The following TRIP10 variants were observed in gnomAD, a reference collection of about 807,000 sequenced individuals.
TRIP10 encodes the protein cdc42-interacting protein 4.
A neutral mutation model predicts 80.9 loss-of-function variants in TRIP10; 54 were observed. The ratio of observed to expected loss-of-function variants is 0.67; its 90% CI spans 0.54 to 0.84. The LOEUF is 0.84. Among genes scored for constraint, TRIP10 ranks in the 40% least tolerant of loss-of-function variants. The probability of loss-of-function intolerance (pLI) is 0.00; values close to 1 mark genes in which losing one functional copy is unlikely to be tolerated. For missense variants in TRIP10, 773 were observed against 815.3 expected, an observed-to-expected ratio of 0.95 and a Z score of 0.63; for synonymous variants, 321 against 307.2, an observed-to-expected ratio of 1.04 and a Z score of -0.47.
intron 11 of TRIP10, among the ~76,000 whole-genome samples, chr19:6,747,307 A>G (rs1308380215): frequency 6.6e-6 from 1 of 152,128 alleles, no homozygotes; most frequent in Non-Finnish European, 1.5e-5. Flanking sequence ...CCTGGGTGTC[A>G]GAGTGAGACC....
rs1477319033 is a variant in TRIP10 at position 6,749,946 on chromosome 19, G to C, written c.1275G>C (p.Lys425Asn). ...TCCCTTGTCATAGGGAAGCCCTAAA[G>C]AAAATGAAGGATGTCTATGAGAAGA... ...QKEVDQREAL[K>N]KMKDVYEKTP... Residue 425 changes from lysine (K) to asparagine (N), a missense_variant, in exon 12 of 15, where the codon AAG becomes AAC. Coordinates refer to ENST00000313244, the MANE Select transcript of TRIP10 (RefSeq NM_001288962.2). 6 of 1,613,886 alleles carry C rather than the reference G, an allele frequency of 3.7e-6. No homozygotes were observed. Among genetic ancestry groups the C allele is most frequent in the Non-Finnish European group, 5.1e-6 (6 of 1,179,968 alleles).
At position 6,747,280 on chromosome 19, in the gene TRIP10, C is replaced by T. The variant is rs117235543; in HGVS notation, c.1262+719C>T. 3.6e-3 allele frequency among the ~76,000 whole-genome samples: 555 copies of T among 152,176 alleles called. 2 individuals are homozygous for T. Among genetic ancestry groups the T allele is most frequent in the South Asian group, 0.018 (87 of 4,818 alleles). On this transcript the variant is annotated intron_variant, in intron 11 of 14. Coordinates refer to ENST00000313244, the MANE Select transcript of TRIP10 (RefSeq NM_001288962.2). ...TGGAGACTACAGTGAGCTGTGACTG[C>T]ACCACTTGCACTTCAGCCTGGGTGT...
Position 6,743,497 on chromosome 19 carries a change from A to G in TRIP10, c.412A>G (p.Lys138Glu). The G allele has an allele frequency of 6.2e-7, 1 of 1,613,762 alleles. No individual in the cohort carries two copies. Residue 138 changes from lysine to glutamate, a missense_variant, in exon 6 of 15, where the codon AAG becomes GAG. Physicochemically the swap from Lys to Glu is moderately conservative, Grantham distance 56. Coordinates refer to ENST00000313244, the MANE Select transcript of TRIP10 (RefSeq NM_001288962.2). ...ENGFKQLENS[K>E]RKFERDCREA... ...TCCGGTTCTGTCCCCTACACAGAGT[A>G]AGCGTAAATTTGAGCGGGACTGCCG...
chr19:6,742,203 A>C (rs1968935100), intron 3 of TRIP10, among the ~76,000 whole-genome samples: 2 of 151,970 alleles, frequency 1.3e-5, no homozygotes, highest in South Asian at 4.2e-4. Context: ...CAGCCTGGTC[A>C]ACATGGTGAA....
chr19:6,750,175 A>G, intron 12 of TRIP10, 109 bp downstream of exon 12: 3 of 1,570,958 alleles, frequency 1.9e-6, no homozygotes, highest in Non-Finnish European at 2.6e-6. Flanking sequence ...GGGGGTCTCC[A>G]GCTGTTTTCC....
rs1028418634 is a variant in TRIP10, at chr19:6,746,382, C to T, written c.1153-70C>T. The T allele has an allele frequency of 4.4e-6, 7 of 1,584,840 alleles. No individual in the cohort carries two copies. The African/African-American group carries it at 9.4e-5, about 21-fold the overall frequency. On this transcript the variant is annotated intron_variant, in intron 10 of 14. Transcript: ENST00000313244. The surrounding 1 kb of genome is among the most constrained non-coding windows in gnomAD (Gnocchi z 6.2). ...ATGGCTGGGGAAGGGAGTGAAATATCTCAGACGGGTGCAGAGTCTGGCAGG... is the reference window on the plus strand; with the variant it reads ...ATGGCTGGGGAAGGGAGTGAAATATTTCAGACGGGTGCAGAGTCTGGCAGG...
chr19:6,743,690 C>T lies in TRIP10; in HGVS notation c.514-18C>T, dbSNP rs2145538114. The T allele has an allele frequency of 6.2e-7, 1 of 1,613,484 alleles. No homozygotes were observed. Among genetic ancestry groups the T allele is most frequent in the East Asian group, 2.2e-5 (1 of 44,860 alleles). The stretch of plus-strand genomic sequence containing the variant: ...GTGATCGGAACCTGGCAGTACCTTC[C>T]ACCTCTGCATTCTTCAGGCCAAGCA... On this transcript the variant is annotated intron_variant, in intron 6 of 14. Transcript: ENST00000313244.
rs1220389923 is a variant in TRIP10 at position 6,743,527 on chromosome 19, G to T, written c.442G>T (p.Ala148Ser). 1.9e-6 allele frequency: 3 copies of T among 1,612,658 alleles called. No homozygotes were observed. The highest frequency in any genetic ancestry group is 1.3e-5 in the African/African-American group (1 of 74,628). ...KRKFERDCREAEKAAQTAERL... is the reference protein window; with the variant it reads ...KRKFERDCRESEKAAQTAERL... ...TAAATTTGAGCGGGACTGCCGGGAG[G>T]CAGAGAAGGCAGCCCAGACTGCTGA... Residue 148 changes from alanine to serine, a missense_variant, in exon 6 of 15, where the codon GCA (alanine) becomes TCA (serine). Transcript: ENST00000313244.
At position 6,743,003 on chromosome 19, in the gene TRIP10, G is replaced by A. The variant is rs1201045719; in HGVS notation, c.234G>A (p.Gln78=). 6.2e-7 allele frequency: 1 copy of A among 1,614,076 alleles called. No individual in the cohort carries two copies. The highest frequency in any genetic ancestry group is 1.3e-5 in the African/African-American group (1 of 74,920). Residue 78 remains glutamine, a synonymous_variant, in exon 4 of 15, where the codon CAG becomes CAA. Coordinates refer to ENST00000313244, the MANE Select transcript of TRIP10 (RefSeq NM_001288962.2). ...SQQQSFVQIL[Q]EVNDFAGQRE... is the part of the protein sequence containing the mutation. The stretch of plus-strand genomic sequence containing the variant: ...AACAGTCCTTCGTACAGATTCTCCA[G>A]GAGGTGAATGACTTTGCAGGCCAGC...
In TRIP10 at chr19:6,741,269, A is replaced by G; in HGVS notation, c.185A>G (p.Asp62Gly). Reference protein sequence around the residue: ...KYLPKRPAKDDPESKFSQQQS... With the variant: ...KYLPKRPAKDGPESKFSQQQS... Reference sequence around the variant, plus strand: ...CTGCCCAAGAGACCTGCCAAGGATGATCCTGAGTCCAAGTAAGGTTGGAGA... The same window carrying G: ...CTGCCCAAGAGACCTGCCAAGGATGGTCCTGAGTCCAAGTAAGGTTGGAGA... The change falls in exon 3 of 15, where the codon GAT becomes GGT. Residue 62 changes from aspartate to glycine, a missense_variant. Transcript: ENST00000313244. The G allele has an allele frequency of 6.2e-7, 1 of 1,610,354 alleles. No individual in the cohort carries two copies. The highest frequency in any genetic ancestry group is 8.5e-7 in the Non-Finnish European group (1 of 1,178,194).
Position 6,745,624 on chromosome 19 carries a change from G to A in TRIP10, c.985-405G>A. The A allele has an allele frequency of 2.0e-6, 2 of 985,146 alleles. No homozygotes were observed. The highest frequency in any genetic ancestry group is 2.4e-6 in the Non-Finnish European group (2 of 829,890). The allele number at this position is 985,146 out of a possible 1,614,324, so 61.0% of individuals were successfully genotyped here. On this transcript the variant is annotated intron_variant, in intron 9 of 14. Transcript: ENST00000313244. The surrounding 1 kb of genome is among the most constrained non-coding windows in gnomAD (Gnocchi z 7.2). ...CTGTCTGAGACCTTGATTCCTGCAT[G>A]CGTCTTCTAGACTGTCAGCCCAGAA...
Position 6,745,262 on chromosome 19 carries a change from A to G in TRIP10, c.984+268A>G. ...ATGCTGGGAGAAAACCTGCTGGTGG[A>G]ATTCAGGGCTGGCCTGAGGGCTGGT... On this transcript the variant is annotated intron_variant, in intron 9 of 14. Coordinates refer to ENST00000313244, the MANE Select transcript of TRIP10 (RefSeq NM_001288962.2). This position sits in a 1 kb window ranked among gnomAD's most constrained non-coding sequence, Gnocchi z 7.2. The G allele has an allele frequency of 3.9e-6, 2 of 515,414 alleles. No homozygotes were observed. Among genetic ancestry groups the G allele is most frequent in the Non-Finnish European group, 6.8e-6 (2 of 294,626 alleles). The allele number at this position is 515,414 out of a possible 1,614,324, so 31.9% of individuals were successfully genotyped here.
intron 12 of TRIP10, 77 bp downstream of exon 12, chr19:6,750,143 G>GGGC: frequency 1.7e-5 from 14 of 842,228 alleles, no homozygotes; most frequent in Non-Finnish European, 2.6e-5. Context: ...GGGGGTCGGG[G>GGGC]ACAGGGGAGG....
rs371348959 is a variant in TRIP10, at chr19:6,743,216, C to T, written c.368C>T (p.Ala123Val). The change falls in exon 5 of 15, where the codon GCC (alanine) becomes GTC (valine). Residue 123 changes from alanine (A) to valine (V), a missense_variant. By Grantham distance (64) the Ala-to-Val change is moderately conservative. Transcript: ENST00000313244. ...TAGCACTTCCAAGAAGGGCGGCGGG[C>T]CCAGCAGCAGCTGGAAAATGGCTTT... ...RKMHFQEGRRAQQQLENGFKQ... is the reference protein window; with the variant it reads ...RKMHFQEGRRVQQQLENGFKQ... 3 of 1,613,980 alleles carry T rather than the reference C, an allele frequency of 1.9e-6. No homozygotes were observed. The highest frequency in any genetic ancestry group is 3.3e-5 in the Admixed American group (2 of 60,010).
Position 6,739,770 on chromosome 19 carries a change from G to A in TRIP10, c.9G>A (p.Trp3Ter). 6.9e-7 allele frequency: 1 copy of A among 1,459,372 alleles called. No individual in the cohort carries two copies. The highest frequency in any genetic ancestry group is 2.2e-4 in the Middle Eastern group (1 of 4,564). The allele number at this position is 1,459,372 out of a possible 1,614,324, so 90.4% of individuals were successfully genotyped here. MD[W>*]GTELWDQFEV... ...GCGGCGGCGGGAGCAGCATGGATTG[G>A]GGCACTGAGCTGTGGGTAAGTCCAA... is the stretch of plus-strand genomic sequence containing the variant. Residue 3 changes from tryptophan (W) to a stop codon, truncating the protein, a stop_gained, in exon 1 of 15, where the codon TGG becomes TGA. Coordinates refer to ENST00000313244, the MANE Select transcript of TRIP10 (RefSeq NM_001288962.2). LOFTEE classifies it high-confidence loss of function.
At position 6,750,386 on chromosome 19, in the gene TRIP10, C is replaced by T. The variant is rs556672884; in HGVS notation, c.1490C>T (p.Pro497Leu). Residue 497 changes from proline (P) to leucine (L), a missense_variant, in exon 13 of 15, where the codon CCG becomes CTG. By Grantham distance (98) the Pro-to-Leu change is moderately conservative. Coordinates refer to ENST00000313244, the MANE Select transcript of TRIP10 (RefSeq NM_001288962.2). ...CCTCCCGACCCCCCCGCTAGCGCCCCGCCAGACAGCAGCAGCAACAGCGCA... is the reference window on the plus strand; with the variant it reads ...CCTCCCGACCCCCCCGCTAGCGCCCTGCCAGACAGCAGCAGCAACAGCGCA... Reference protein sequence around the residue: ...ARPPDPPASAPPDSSSNSASQ... With the variant: ...ARPPDPPASALPDSSSNSASQ... 2.0e-5 allele frequency: 33 copies of T among 1,614,124 alleles called. No individual in the cohort carries two copies. In the Admixed American group the frequency reaches 2.2e-4, roughly 11 times the overall value.
intron 11 of TRIP10, among the ~76,000 whole-genome samples, chr19:6,747,441 G>A (rs1969169118): frequency 6.6e-6 from 1 of 152,146 alleles, no homozygotes; most frequent in Admixed American, 6.5e-5. Context: ...CAAATCTGTG[G>A]CCAAGAATTC....
Position 6,745,812 on chromosome 19 carries a change from C to G in TRIP10, c.985-217C>G. 1 of 985,218 alleles carries G rather than the reference C, an allele frequency of 1.0e-6. No individual in the cohort carries two copies. Among genetic ancestry groups the G allele is most frequent in the Non-Finnish European group, 1.2e-6 (1 of 829,900 alleles). 61.0% of individuals were successfully genotyped at this position (985,218 alleles called of 1,614,324 possible). A position where few individuals can be genotyped will look rare whatever the true frequency, so the allele number is the denominator to read the frequency against. On this transcript the variant is annotated intron_variant, in intron 9 of 14. Transcript: ENST00000313244. This position sits in a 1 kb window ranked among gnomAD's most constrained non-coding sequence, Gnocchi z 7.2. ...CGCCACCTTCCAGATTTTTTTGTGT[C>G]GCTCCTGCATGCGTTTTCTCTGTGT...
rs1969077080 is a variant in TRIP10 at position 6,745,173 on chromosome 19, G to C, written c.984+179G>C. On this transcript the variant is annotated intron_variant, in intron 9 of 14. Coordinates refer to ENST00000313244, the MANE Select transcript of TRIP10 (RefSeq NM_001288962.2). The surrounding 1 kb of genome is among the most constrained non-coding windows in gnomAD (Gnocchi z 7.2). ...GCCGATTGGCCTGGGAGTCCCCCGA[G>C]GCGAAGGCGGGGGCAGGGTGGGGAG... 3 of 843,248 alleles carry C rather than the reference G, an allele frequency of 3.6e-6. No individual in the cohort carries two copies. Among genetic ancestry groups the C allele is most frequent in the Non-Finnish European group, 5.3e-6 (3 of 567,698 alleles). 52.2% of individuals were successfully genotyped at this position (843,248 alleles called of 1,614,324 possible). A position where few individuals can be genotyped will look rare whatever the true frequency, so the allele number is the denominator to read the frequency against.
Sources: gnomAD v4.1 joint callset for allele counts (sites outside exome capture counted in the v4.1 genomes callset) on GRCh38, gnomAD v4.1.1 for gene constraint, Gnocchi (gnomAD v3.1) non-coding constraint, MANE v1.5 for transcripts, NCBI Gene and HGNC (gene_info 2026-07-23, HGNC 2026-07-21) for gene names.